The following TMTC2 variants were observed in gnomAD, a reference collection of about 807,000 sequenced individuals.
The protein encoded by TMTC2 is protein O-mannosyl-transferase TMTC2.
In TMTC2, 43 loss-of-function variants were observed where a neutral mutation model predicts 82.4. That is an observed-to-expected ratio of 0.52 (90% confidence interval 0.41 to 0.67). TMTC2 has a LOEUF of 0.67. Ranked by LOEUF, TMTC2 falls within the 30% of genes least tolerant of loss-of-function variation. The pLI is 0.00. For missense variants in TMTC2, 919 were observed against 1,012.4 expected (o/e 0.91, Z 1.25); for synonymous variants, 408 against 381.9 (o/e 1.07, Z -0.80).
chr12:82,955,029 G>A (rs1877541782), intron 4 of TMTC2, among the ~76,000 whole-genome samples: 2 of 152,122 alleles, frequency 1.3e-5, no homozygotes, highest in African/African-American at 4.8e-5. Context: ...AGAGACACAG[G>A]GCTTTATTTT....
intron 11 of TMTC2, among the ~76,000 whole-genome samples, chr12:83,115,777 A>T (rs1216932288): frequency 1.3e-5 from 2 of 151,236 alleles, no homozygotes; most frequent in East Asian, 3.9e-4. Flanking sequence ...ACCCTATTGT[A>T]GTTTCTGTTG....
intron 11 of TMTC2, among the ~76,000 whole-genome samples, chr12:83,128,116 T>C (rs1222039441): frequency 6.6e-6 from 1 of 152,134 alleles, no homozygotes; most frequent in Non-Finnish European, 1.5e-5. Flanking sequence ...TTGGTTAACA[T>C]ACTGAAAATT....
chr12:82,718,272 C>T (rs1790984747), intron 1 of TMTC2, among the ~76,000 whole-genome samples: 1 of 152,194 alleles, frequency 6.6e-6, no homozygotes, highest in Non-Finnish European at 1.5e-5. Flanking sequence ...CAAAAAACTG[C>T]TCCATCTATT....
intron 4 of TMTC2, among the ~76,000 whole-genome samples, chr12:82,963,375 T>C (rs959673236): frequency 2.0e-5 from 3 of 151,900 alleles, no homozygotes; most frequent in African/African-American, 7.3e-5. Flanking sequence ...CTAAAGAAGC[T>C]AGAAAAAATA....
At chr12:83,123,190 G>A (rs1421640984) in intron 11 of TMTC2, among the ~76,000 whole-genome samples, 2 of 152,194 alleles carry the variant, frequency 1.3e-5, no homozygotes, top group Non-Finnish European at 2.9e-5. Context: ...CGAGGCAGAC[G>A]TAGGAGGGAA....
rs1871330538 is a variant in TMTC2 at position 82,857,660 on chromosome 12, A to G, written c.654+80A>G. 83 of 1,327,494 alleles carry G rather than the reference A, an allele frequency of 6.3e-5. No individual in the cohort carries two copies. The South Asian group carries it at 1.1e-3, about 17-fold the overall frequency. 82.2% of individuals were successfully genotyped at this position (1,327,494 alleles called of 1,614,324 possible). On this transcript the variant is annotated intron_variant, in intron 2 of 11. Coordinates refer to ENST00000321196, the MANE Select transcript of TMTC2 (RefSeq NM_152588.3). ...TCCTTTGCCACCATTTAAAAAGCAA[A>G]TTTATTCCTCTGCAAGCGGAATTTA... is the stretch of plus-strand genomic sequence containing the variant.
chr12:83,032,881 T>A (rs1483587471), intron 9 of TMTC2, among the ~76,000 whole-genome samples: 1 of 152,110 alleles, frequency 6.6e-6, no homozygotes, highest in East Asian at 1.9e-4. Flanking sequence ...TTATTTTGTG[T>A]GGTATTTGGA....
chr12:82,701,210 C>G (rs1873060751), intron 1 of TMTC2, among the ~76,000 whole-genome samples: 1 of 152,060 alleles, frequency 6.6e-6, no homozygotes, highest in African/African-American at 2.4e-5. Context: ...TAGGTAATGA[C>G]ATATCTTAAA....
chr12:82,714,549 C>A (rs1245800549), intron 1 of TMTC2, among the ~76,000 whole-genome samples: 1 of 151,986 alleles, frequency 6.6e-6, no homozygotes, highest in East Asian at 1.9e-4. Flanking sequence ...TTGTTGATTA[C>A]TACCTACGAA....
At chr12:83,067,690 G>A (rs954028800) in intron 11 of TMTC2, among the ~76,000 whole-genome samples, 5 of 151,954 alleles carry the variant, frequency 3.3e-5, no homozygotes, top group Non-Finnish European at 5.9e-5. Context: ...GAGCACAGTA[G>A]GTAATATTTG....
chr12:83,051,821 A>G (rs1238712099), intron 10 of TMTC2, among the ~76,000 whole-genome samples: 2 of 152,158 alleles, frequency 1.3e-5, no homozygotes, highest in Non-Finnish European at 2.9e-5. Context: ...TTACAATGAG[A>G]GCAAAAAAAC....
intron 1 of TMTC2, chr12:82,760,074 C>T (rs1318335267): frequency 6.6e-6 from 1 of 152,090 alleles, no homozygotes; most frequent in African/African-American, 2.4e-5. Context: ...CTTTGTTATT[C>T]AAGTTATACT....
At chr12:82,897,922 G>T (rs968564165) in intron 3 of TMTC2, among the ~76,000 whole-genome samples, 2 of 151,740 alleles carry the variant, frequency 1.3e-5, no homozygotes, top group Non-Finnish European at 2.9e-5. Flanking sequence ...AAAAGAAGGT[G>T]TAAAACTGTT....
intron 1 of TMTC2, among the ~76,000 whole-genome samples, chr12:82,712,429 CAAAAA>C (rs58906003): frequency 1.4e-5 from 1 of 71,718 alleles, no homozygotes; most frequent in African/African-American, 5.3e-5. Flanking sequence ...AACTCCGTCT[CAAAAA>C]AAAAAAAAAA....
intron 11 of TMTC2, among the ~76,000 whole-genome samples, chr12:83,113,863 C>T (rs1592501486): frequency 1.3e-5 from 2 of 152,168 alleles, no homozygotes; most frequent in African/African-American, 2.4e-5. Context: ...TATGTTTGAC[C>T]TGGTCATCCT....
chr12:82,973,620 A>G (rs1392477629), intron 7 of TMTC2, among the ~76,000 whole-genome samples: 1 of 152,196 alleles, frequency 6.6e-6, no homozygotes, highest in Non-Finnish European at 1.5e-5. Flanking sequence ...ACTCTACATT[A>G]TGTACTATGG....
intron 1 of TMTC2, among the ~76,000 whole-genome samples, chr12:82,831,261 C>G (rs1869730351): frequency 6.6e-6 from 1 of 152,164 alleles, no homozygotes; most frequent in Non-Finnish European, 1.5e-5. Flanking sequence ...ACCATGATAC[C>G]ATGAGCTTCT....
chr12:82,788,515 G>C (rs1298172190), intron 1 of TMTC2, among the ~76,000 whole-genome samples: 1 of 151,870 alleles, frequency 6.6e-6, no homozygotes, highest in Non-Finnish European at 1.5e-5. Flanking sequence ...AACAATGCTG[G>C]GTAAATATGT....
At chr12:82,721,740 C>G (rs1345079482) in intron 1 of TMTC2, among the ~76,000 whole-genome samples, 1 of 152,196 alleles carries the variant, frequency 6.6e-6, no homozygotes, top group Admixed American at 6.5e-5. Flanking sequence ...AAGTCAGTGT[C>G]TTGCCCTGAC....
Sources: gnomAD v4.1 joint callset for allele counts (sites outside exome capture counted in the v4.1 genomes callset) on GRCh38, gnomAD v4.1.1 for gene constraint, MANE v1.5 for transcripts, NCBI Gene and HGNC (gene_info 2026-07-23, HGNC 2026-07-21) for gene names.